Variants in IQSEC1 observed in about 807,000 individuals in gnomAD.
The protein encoded by IQSEC1 is IQ motif and Sec7 domain ArfGEF 1, also known as IQ motif and SEC7 domain-containing protein 1.
A neutral mutation model predicts 91.0 loss-of-function variants in IQSEC1; 31 were observed. The observed-to-expected ratio is 0.34, with a 90% CI of 0.26 to 0.46. IQSEC1 has a LOEUF of 0.46. Among genes scored for constraint, IQSEC1 ranks in the 20% least tolerant of loss-of-function variants. IQSEC1 has a pLI of 1.00. For synonymous variants in IQSEC1, 699 were observed against 662.6 expected, an observed-to-expected ratio of 1.05 and a Z score of -0.84; for missense variants, 1,388 against 1,575.6, an observed-to-expected ratio of 0.88 and a Z score of 2.02.
chr3:13,029,732 G>A (rs548826940), intron 1 of IQSEC1, among the ~76,000 whole-genome samples: 5 of 152,326 alleles, frequency 3.3e-5, no homozygotes, highest in South Asian at 2.1e-4. Context: ...GCGTGCATGC[G>A]TGCACGTGTC....
chr3:13,061,602 T>A (rs1705070499), intron 1 of IQSEC1, among the ~76,000 whole-genome samples: 1 of 152,080 alleles, frequency 6.6e-6, no homozygotes, highest in Non-Finnish European at 1.5e-5. Flanking sequence ...CTCCAGGCCC[T>A]GTGCTGATGC....
At chr3:13,037,669 T>C (rs768859717) in intron 1 of IQSEC1, among the ~76,000 whole-genome samples, 1 of 152,156 alleles carries the variant, frequency 6.6e-6, no homozygotes, top group Non-Finnish European at 1.5e-5. Flanking sequence ...TATAGTGGAG[T>C]ATGATTCAGC....
At chr3:13,246,982 G>C (rs546874288) in intron 1 of IQSEC1, among the ~76,000 whole-genome samples, 109 of 152,244 alleles carry the variant, frequency 7.2e-4, no homozygotes, top group African/African-American at 2.6e-3. Context: ...TGTTTGCCTC[G>C]GGTAGGCCTT....
At chr3:12,911,922 G>A (rs1236537695) in intron 9 of IQSEC1, among the ~76,000 whole-genome samples, 194 bp from the exon 10 acceptor site, 1 of 152,198 alleles carries the variant, frequency 6.6e-6, no homozygotes, top group African/African-American at 2.4e-5. Flanking sequence ...TGCCATCTTG[G>A]CTGGCAACAA....
At chr3:13,054,679 G>A (rs980081560) in intron 1 of IQSEC1, among the ~76,000 whole-genome samples, 4 of 152,180 alleles carry the variant, frequency 2.6e-5, no homozygotes, top group African/African-American at 7.2e-5. Context: ...AGGCTGAGGC[G>A]CAGAGAAGTG....
intron 1 of IQSEC1, chr3:12,960,305 T>A (rs1396042197): frequency 6.6e-6 from 1 of 152,150 alleles, no homozygotes; most frequent in African/African-American, 2.4e-5. Flanking sequence ...CTGGCGAACA[T>A]GTTTTTGAGA....
At chr3:12,991,489 C>T (rs763305854) in intron 1 of IQSEC1, among the ~76,000 whole-genome samples, 19 of 152,170 alleles carry the variant, frequency 1.2e-4, no homozygotes, top group Middle Eastern at 3.2e-3. Context: ...GCCTCTTGCA[C>T]GTGAGAAACA....
intron 1 of IQSEC1, among the ~76,000 whole-genome samples, chr3:12,976,494 G>A (rs770541022): frequency 1.3e-5 from 2 of 152,230 alleles, no homozygotes; most frequent in Non-Finnish European, 2.9e-5. Context: ...GGGTTCTGCA[G>A]CTTCCAAGCC....
Position 12,920,606 on chromosome 3 carries a change from G to A in IQSEC1, c.1854-10C>T, listed in dbSNP as rs779333532. On this transcript the variant is annotated splice_polypyrimidine_tract_variant and intron_variant, in intron 5 of 13. Coordinates refer to ENST00000613206, the MANE Select transcript of IQSEC1 (RefSeq NM_001134382.3). ...GATGCAGTAGCGCTGGCTGCGGGCC[G>A]GGAGGGAGGGGGTCAGGGCCATGGC... 58 of 1,613,086 alleles carry A rather than the reference G, an allele frequency of 3.6e-5. No individual in the cohort carries two copies. The highest frequency in any genetic ancestry group is 2.3e-4 in the Admixed American group (14 of 59,994).
At chr3:13,236,903 C>G (rs1259668676) in intron 1 of IQSEC1, among the ~76,000 whole-genome samples, 3 of 152,212 alleles carry the variant, frequency 2.0e-5, no homozygotes, top group East Asian at 1.9e-4. Flanking sequence ...CAAAATGCCC[C>G]CCTCCAGCCA....
Position 12,908,393 on chromosome 3 carries a change from T to C in IQSEC1, c.2711A>G (p.Lys904Arg). The change falls in exon 12 of 14, where the codon AAG becomes AGG. Residue 904 changes from lysine to arginine, a missense_variant. This residue lies in a region of IQSEC1 where 1,059 missense variants were observed against 1,317.8 expected (regional missense o/e 0.80). Coordinates refer to ENST00000613206, the MANE Select transcript of IQSEC1 (RefSeq NM_001134382.3). This position sits in a 1 kb window ranked among gnomAD's most constrained non-coding sequence, Gnocchi z 4.9. ...DDSYASGEGL[K>R]RSALSSSLRD... ...CAGGGAGCTGCTGAGGGCGCTGCGC[T>C]TGAGGCCCTCACCGCTGGCATAGCT... is the stretch of plus-strand genomic sequence containing the variant. 6.2e-7 allele frequency: 1 copy of C among 1,612,678 alleles called. No individual in the cohort carries two copies. Among genetic ancestry groups the C allele is most frequent in the Non-Finnish European group, 8.5e-7 (1 of 1,180,010 alleles).
At chr3:13,083,772 A>G (rs150123164) in intron 2 of IQSEC1, among the ~76,000 whole-genome samples, 169 of 152,388 alleles carry the variant, frequency 1.1e-3, no homozygotes, top group African/African-American at 3.9e-3. Context: ...CCTGGCATAC[A>G]GAGTGTCAGC....
Position 13,185,809 on chromosome 3 carries a change from G to A in IQSEC1, c.273-21676C>T, listed in dbSNP as rs945220692. Reference sequence around the variant, plus strand: ...CACACCAGGAGATCCATTCTCCGAGGAGCCAGTGTCTGCAGAACTTCGGTG... The same window carrying A: ...CACACCAGGAGATCCATTCTCCGAGAAGCCAGTGTCTGCAGAACTTCGGTG... On this transcript the variant is annotated intron_variant, in intron 1 of 15. Transcript: ENST00000648114. Among the ~76,000 whole-genome samples the A allele has an allele frequency of 1.3e-5, 2 of 152,226 alleles. 1 individual carries two copies. Among genetic ancestry groups the A allele is most frequent in the South Asian group, 4.1e-4 (2 of 4,828 alleles).
In IQSEC1 at chr3:12,908,569, TAGAGTGGGCAGG is replaced by T; in HGVS notation, c.2579-56_2579-45del. ...GGGTCCTGGTGAGAGGAGCACAGCC[TAGAGTGGGCAGG>T]AGACGGGGCCTTCTGCTTGGAGCTA... On this transcript the variant is annotated intron_variant, in intron 11 of 13. Coordinates refer to ENST00000613206, the MANE Select transcript of IQSEC1 (RefSeq NM_001134382.3). This position sits in a 1 kb window ranked among gnomAD's most constrained non-coding sequence, Gnocchi z 4.9. 6.2e-7 allele frequency: 1 copy of T among 1,605,822 alleles called. No individual in the cohort carries two copies. Among genetic ancestry groups the T allele is most frequent in the Non-Finnish European group, 8.5e-7 (1 of 1,174,214 alleles).
intron 1 of IQSEC1, among the ~76,000 whole-genome samples, chr3:13,045,640 C>T (rs1256853694): frequency 1.3e-5 from 2 of 152,236 alleles, no homozygotes; most frequent in African/African-American, 4.8e-5. Flanking sequence ...GCCCCATCCA[C>T]ACTCCCTGCA....
chr3:12,925,344 A>G (rs779757379), intron 3 of IQSEC1, among the ~76,000 whole-genome samples: 3 of 152,184 alleles, frequency 2.0e-5, no homozygotes, highest in Non-Finnish European at 4.4e-5. Flanking sequence ...CCCTGTGCAC[A>G]CTAATTCACT....
At chr3:13,050,460 C>T (rs1346175688) in intron 1 of IQSEC1, among the ~76,000 whole-genome samples, 2 of 152,140 alleles carry the variant, frequency 1.3e-5, no homozygotes, top group Non-Finnish European at 2.9e-5. Context: ...TGAGATAGTG[C>T]CCATAAAGTA....
At chr3:12,987,444 G>C (rs1032404582) in intron 1 of IQSEC1, among the ~76,000 whole-genome samples, 1 of 149,686 alleles carries the variant, frequency 6.7e-6, no homozygotes, top group Non-Finnish European at 1.5e-5. Context: ...GCATGTGTCA[G>C]AGAGAGAGAG....
At chr3:13,119,556 T>C (rs1047475410) in intron 2 of IQSEC1, among the ~76,000 whole-genome samples, 1 of 152,212 alleles carries the variant, frequency 6.6e-6, no homozygotes, top group Non-Finnish European at 1.5e-5. Context: ...TCCAACAACA[T>C]CCTGGCTTCT....
Sources: gnomAD v4.1 joint callset for allele counts (sites outside exome capture counted in the v4.1 genomes callset) on GRCh38, gnomAD v4.1.1 for gene constraint, gnomAD v4.1.1 regional missense constraint, Gnocchi (gnomAD v3.1) non-coding constraint, MANE v1.5 for transcripts, NCBI Gene and HGNC (gene_info 2026-07-23, HGNC 2026-07-21) for gene names.